Variants in STYXL1 observed in about 807,000 individuals in gnomAD.
The protein encoded by STYXL1 is serine/threonine/tyrosine interacting like 1.
STYXL1 carries 32 observed loss-of-function variants against 36.4 expected under a neutral mutation model. That is an observed-to-expected ratio of 0.88 (90% confidence interval 0.66 to 1.18). The LOEUF (loss-of-function observed/expected upper bound fraction) is 1.18, where lower values mean the gene tolerates loss of function less well. STYXL1 is among the 50% of genes most tolerant of loss of function. The probability of loss-of-function intolerance (pLI) is 0.00; values close to 1 mark genes in which losing one functional copy is unlikely to be tolerated. For missense variants in STYXL1, 354 were observed against 394.1 expected (o/e 0.90, Z 0.86); for synonymous variants, 133 against 144.1 (o/e 0.92, Z 0.55).
intron 2 of STYXL1, 99 bp from the exon 3 acceptor site, chr7:76,028,802 G>A (rs1795017509): frequency 3.7e-6 from 4 of 1,075,288 alleles, no homozygotes; most frequent in Non-Finnish European, 5.7e-6. Flanking sequence ...TTGTTTGGCA[G>A]TTAAGGGATA....
chr7:76,043,393 A>G (rs12533120), intron 1 of STYXL1, among the ~76,000 whole-genome samples: 84,693 of 151,868 alleles, frequency 0.56, 25,726 homozygotes, highest in Non-Finnish European at 0.7. Context: ...CACCCACCTC[A>G]GCCTCCCGAA....
At chr7:75,999,491 T>TTGTG (rs1554565568) in intron 8 of STYXL1, among the ~76,000 whole-genome samples, 6 of 111,284 alleles carry the variant, frequency 5.4e-5, no homozygotes, top group Non-Finnish European at 7.3e-5. Context: ...AATTTTTTTG[T>TTGTG]TGTGTGTGTG....
At chr7:76,024,901 A>AG (rs1794491858) in intron 3 of STYXL1, among the ~76,000 whole-genome samples, 1 of 144,758 alleles carries the variant, frequency 6.9e-6, no homozygotes. Context: ...GTGAGCCAAG[A>AG]TCGTACCACT....
intron 5 of STYXL1, among the ~76,000 whole-genome samples, chr7:76,009,584 T>C (rs1792298942): frequency 6.6e-6 from 1 of 152,180 alleles, no homozygotes; most frequent in Non-Finnish European, 1.5e-5. Context: ...CTAATTTTTG[T>C]ATTTTTAGTA....
chr7:76,037,415 C>T (rs569568250), intron 1 of STYXL1, among the ~76,000 whole-genome samples: 1 of 150,328 alleles, frequency 6.7e-6, no homozygotes, highest in Non-Finnish European at 1.5e-5. Flanking sequence ...GGTCCAGAAG[C>T]TGTTGGGCTG....
At chr7:76,032,203 G>A (rs1325920150) in intron 1 of STYXL1, among the ~76,000 whole-genome samples, 3 of 151,150 alleles carry the variant, frequency 2.0e-5, no homozygotes, top group African/African-American at 7.3e-5. Context: ...GACCAGCCTG[G>A]ACAACATAGT....
chr7:76,008,042 T>C (rs1316097562), intron 5 of STYXL1, among the ~76,000 whole-genome samples: 1 of 150,244 alleles, frequency 6.7e-6, no homozygotes, highest in Non-Finnish European at 1.5e-5. Context: ...CTACTAAAAA[T>C]ACAAAAATTA....
intron 1 of STYXL1, among the ~76,000 whole-genome samples, chr7:76,036,137 G>A (rs1554580647): frequency 6.7e-6 from 1 of 149,998 alleles, no homozygotes; most frequent in South Asian, 2.2e-4. Context: ...GTCTTGCTCT[G>A]TCCCCCAGGC....
chr7:76,000,041 A>G (rs1315284097), intron 8 of STYXL1, among the ~76,000 whole-genome samples: 2 of 151,618 alleles, frequency 1.3e-5, no homozygotes, highest in Admixed American at 6.6e-5. Context: ...AAATACAAAA[A>G]TTAGCCGGGC....
Position 76,013,756 on chromosome 7 carries a change from T to C in STYXL1, c.439A>G (p.Ile147Val). 1 of 1,613,926 alleles carries C rather than the reference T, an allele frequency of 6.2e-7. No homozygotes were observed. The highest frequency in any genetic ancestry group is 8.5e-7 in the Non-Finnish European group (1 of 1,179,912). Residue 147 changes from isoleucine (I) to valine (V), a missense_variant, in exon 5 of 9, where the codon ATC (isoleucine) becomes GTC (valine). Transcript: ENST00000359697. ...TTTGGCCCTACCTGAGGCATCCAGA[T>C]GATCTTCTGGGTCCGGAGAAAGTGG... ...TYHFLRTQKI[I>V]WMPQELDAFQ...
chr7:76,018,412 A>G (rs1793657119), intron 4 of STYXL1, among the ~76,000 whole-genome samples: 1 of 148,962 alleles, frequency 6.7e-6, no homozygotes, highest in African/African-American at 2.5e-5. Context: ...TTTTTTTGAG[A>G]CCGAGTTTCA....
At chr7:76,013,705 C>T in intron 5 of STYXL1, 37 bp downstream of exon 5, 1 of 1,613,214 alleles carries the variant, frequency 6.2e-7, no homozygotes. Flanking sequence ...CCCATCCTTC[C>T]CGTCTGGGCC....
At chr7:76,003,178 A>C (rs1453634289) in intron 7 of STYXL1, among the ~76,000 whole-genome samples, 3 of 151,800 alleles carry the variant, frequency 2.0e-5, no homozygotes, top group Non-Finnish European at 2.9e-5. Flanking sequence ...GCTCATGCCT[A>C]TAATCCCAGC....
intron 8 of STYXL1, among the ~76,000 whole-genome samples, chr7:76,000,055 G>C (rs955373494): frequency 4.0e-5 from 6 of 151,662 alleles, no homozygotes; most frequent in African/African-American, 1.5e-4. Flanking sequence ...GCCGGGCATG[G>C]TGACACGGAC....
Position 76,030,408 on chromosome 7 carries a change from T to A in STYXL1, c.103+13A>T. The A allele has an allele frequency of 1.3e-6, 2 of 1,598,546 alleles. No individual in the cohort carries two copies. Among genetic ancestry groups the A allele is most frequent in the Non-Finnish European group, 1.7e-6 (2 of 1,165,868 alleles). On this transcript the variant is annotated intron_variant, in intron 2 of 8. Transcript: ENST00000359697. ...CTGTGTTTGACCTCCTCCGCTTTTT[T>A]CCAAGTACTTACCCAATAAACAGAG...
At chr7:76,000,051 C>T (rs1585170023) in intron 8 of STYXL1, among the ~76,000 whole-genome samples, 1 of 151,590 alleles carries the variant, frequency 6.6e-6, no homozygotes, top group African/African-American at 2.4e-5. Flanking sequence ...ATTAGCCGGG[C>T]ATGGTGACAC....
intron 3 of STYXL1, 148 bp from the exon 4 acceptor site, chr7:76,022,140 G>A: frequency 7.0e-7 from 1 of 1,438,362 alleles, no homozygotes; most frequent in East Asian, 2.5e-5. Context: ...CACTGAGACA[G>A]TGGATGGAGA....
intron 3 of STYXL1, 86 bp downstream of exon 3, chr7:76,028,556 G>T: frequency 7.9e-7 from 1 of 1,261,286 alleles, no homozygotes; most frequent in Non-Finnish European, 1.1e-6. Flanking sequence ...TCTGCTGCCC[G>T]CTGGATTGAG....
chr7:76,028,213 T>C (rs1585293989), intron 3 of STYXL1, among the ~76,000 whole-genome samples: 4 of 152,070 alleles, frequency 2.6e-5, no homozygotes, highest in African/African-American at 4.8e-5. Context: ...TTTGTATTTT[T>C]AATAGAGATG....
Sources: allele counts gnomAD v4.1 joint callset (sites outside exome capture counted in the v4.1 genomes callset), GRCh38; gene constraint gnomAD v4.1.1; transcripts MANE v1.5; gene names NCBI Gene and HGNC (gene_info 2026-07-23, HGNC 2026-07-21).